The following ZEB1 variants were observed in gnomAD, a reference collection of about 807,000 sequenced individuals.
ZEB1 encodes zinc finger E-box binding homeobox 1.
In ZEB1, 21 loss-of-function variants were observed where a neutral mutation model predicts 84.9. The ratio of observed to expected loss-of-function variants is 0.25; its 90% confidence interval spans 0.18 to 0.36. The LOEUF is 0.36. ZEB1 is among the 10% of genes least tolerant of loss of function. The probability of loss-of-function intolerance (pLI) is 1.00; values close to 1 mark genes in which losing one functional copy is unlikely to be tolerated. For missense variants in ZEB1, 1,104 were observed against 1,330.2 expected (o/e 0.83, Z 2.65); for synonymous variants, 420 against 471.1 (o/e 0.89, Z 1.41).
intron 1 of ZEB1, among the ~76,000 whole-genome samples, chr10:31,410,139 G>A (rs2053961148): frequency 6.6e-6 from 1 of 152,196 alleles, no homozygotes; most frequent in Admixed American, 6.5e-5. Flanking sequence ...GATATTGGCT[G>A]TGGGTTTGTC....
At chr10:31,442,365 A>T (rs1018691217) in intron 1 of ZEB1, among the ~76,000 whole-genome samples, 1 of 151,746 alleles carries the variant, frequency 6.6e-6, no homozygotes, top group African/African-American at 2.4e-5. Context: ...CAATGAGAAC[A>T]CTTGGACACA....
chr10:31,520,119 T>G lies in ZEB1; in HGVS notation c.794-7T>G. On this transcript the variant is annotated splice_polypyrimidine_tract_variant and splice_region_variant and intron_variant, in intron 6 of 8. Transcript: ENST00000424869. The surrounding 1 kb of genome is among the most constrained non-coding windows in gnomAD (Gnocchi z 5.1). ...AGTGAATATAATTTGTTTGTTTGTT[T>G]GTTTAGGAGAGAAGCCATATGAATG... 6.2e-7 allele frequency: 1 copy of G among 1,613,384 alleles called. No individual in the cohort carries two copies. The highest frequency in any genetic ancestry group is 1.7e-4 in the Middle Eastern group (1 of 6,056).
intron 1 of ZEB1, among the ~76,000 whole-genome samples, chr10:31,331,728 A>G (rs1359331838): frequency 6.6e-6 from 1 of 152,216 alleles, no homozygotes; most frequent in Non-Finnish European, 1.5e-5. Context: ...ATAATATTCC[A>G]TACAGGGGGA....
chr10:31,437,174 A>G (rs2136387066), intron 1 of ZEB1, among the ~76,000 whole-genome samples: 1 of 152,288 alleles, frequency 6.6e-6, no homozygotes, highest in East Asian at 1.9e-4. Flanking sequence ...TAATTAGGTA[A>G]GGATTCTTAT....
rs375380462 is a variant in ZEB1 at position 31,323,395 on chromosome 10, G to A, written c.58+4103G>A. On this transcript the variant is annotated intron_variant, in intron 1 of 8. Coordinates refer to ENST00000424869, the MANE Select transcript of ZEB1 (RefSeq NM_001174096.2). The stretch of plus-strand genomic sequence containing the variant: ...GTGTAATTATTTTTATATAACTTAT[G>A]TAGACTTAGACTATGGATGGGTTGG... Among the ~76,000 whole-genome samples, 58 of 152,154 alleles carry A rather than the reference G, an allele frequency of 3.8e-4. 1 individual carries two copies. In the South Asian group the frequency reaches 0.012, roughly 32 times the overall value.
At chr10:31,466,333 T>TA (rs1170034184) in intron 2 of ZEB1, among the ~76,000 whole-genome samples, 1 of 152,212 alleles carries the variant, frequency 6.6e-6, no homozygotes, top group African/African-American at 2.4e-5. Flanking sequence ...CTCAAACATG[T>TA]AACATTCTCC....
chr10:31,366,245 A>G (rs1480788298), intron 1 of ZEB1, among the ~76,000 whole-genome samples: 1 of 152,204 alleles, frequency 6.6e-6, no homozygotes, highest in African/African-American at 2.4e-5. Flanking sequence ...GAAGTTCCAG[A>G]AAAAAACAGA....
chr10:31,319,172 G>C (rs544998003), upstream of ZEB1: 6 of 1,120,494 alleles, frequency 5.4e-6, no homozygotes, highest in East Asian at 3.8e-5. Flanking sequence ...GCGGAGGGGT[G>C]GGGGGGAAGG....
intron 2 of ZEB1, among the ~76,000 whole-genome samples, chr10:31,465,474 A>G (rs1047559043): frequency 2.6e-5 from 4 of 151,516 alleles, no homozygotes; most frequent in Non-Finnish European, 4.4e-5. Flanking sequence ...ATATATATAT[A>G]TAAAATATCA....
rs376683862 is a variant in ZEB1 at position 31,343,529 on chromosome 10, AT to A, written c.58+24242del. On this transcript the variant is annotated intron_variant, in intron 1 of 8. Coordinates refer to ENST00000424869, the MANE Select transcript of ZEB1 (RefSeq NM_001174096.2). ...TAAAGTACGGCCTTTGATTTATAGAATTTTTCATTTTGTGGTTGTGCCTGCT... is the reference window on the plus strand; with the variant it reads ...TAAAGTACGGCCTTTGATTTATAGAATTTTCATTTTGTGGTTGTGCCTGCT... Among the ~76,000 whole-genome samples, 142 of 151,880 alleles carry A rather than the reference AT, an allele frequency of 9.3e-4. 3 individuals are homozygous for A. Among genetic ancestry groups the A allele is most frequent in the African/African-American group, 3.3e-3 (135 of 41,406 alleles).
chr10:31,395,274 C>A (rs382488), intron 1 of ZEB1, among the ~76,000 whole-genome samples: 9,621 of 152,186 alleles, frequency 0.063, 381 homozygotes, highest in African/African-American at 0.11. Context: ...ATACTCTTTT[C>A]CTAAATGTGT....
chr10:31,360,082 A>G (rs1309229848), intron 1 of ZEB1, among the ~76,000 whole-genome samples: 1 of 152,202 alleles, frequency 6.6e-6, no homozygotes, highest in Non-Finnish European at 1.5e-5. Context: ...AAGAATGTTC[A>G]TAATAGATTT....
chr10:31,452,670 G>T (rs1351902882), intron 1 of ZEB1, among the ~76,000 whole-genome samples: 1 of 144,680 alleles, frequency 6.9e-6, no homozygotes, highest in Non-Finnish European at 1.5e-5. Flanking sequence ...TATGTAGAAG[G>T]CAGTATGCCA....
intron 1 of ZEB1, among the ~76,000 whole-genome samples, chr10:31,439,427 T>C (rs2058654393): frequency 6.6e-6 from 1 of 152,200 alleles, no homozygotes; most frequent in Non-Finnish European, 1.5e-5. Context: ...TGTACTCTTT[T>C]ATTTAAACCT....
intron 1 of ZEB1, among the ~76,000 whole-genome samples, chr10:31,382,006 C>CAAAAAAAAAA (rs535534850): frequency 5.9e-4 from 24 of 40,788 alleles, no homozygotes; most frequent in African/African-American, 9.8e-4. Flanking sequence ...GAGACTGTCT[C>CAAAAAAAAAA]AAAAAAAAAA....
rs113243071 is a variant in ZEB1 at position 31,517,597 on chromosome 10, C to T, written c.794-2529C>T. Among the ~76,000 whole-genome samples the T allele has an allele frequency of 5.1e-3, 776 of 151,754 alleles. 7 individuals are homozygous for T. The highest frequency in any genetic ancestry group is 0.017 in the African/African-American group (721 of 41,384). ...GGCTAAAATACTTGTAAACCCTAAC[C>T]TCCATAGATAAATTAGTGATATGCC... is the stretch of plus-strand genomic sequence containing the variant. On this transcript the variant is annotated intron_variant, in intron 6 of 8. Transcript: ENST00000424869.
chr10:31,504,502 T>A (rs1565147977), intron 4 of ZEB1, among the ~76,000 whole-genome samples: 1 of 152,090 alleles, frequency 6.6e-6, no homozygotes, highest in Non-Finnish European at 1.5e-5. Context: ...ATGACATAGA[T>A]ATTTTGATAG....
At chr10:31,419,388 T>A (rs1379027850) in intron 1 of ZEB1, among the ~76,000 whole-genome samples, 1 of 152,096 alleles carries the variant, frequency 6.6e-6, no homozygotes, top group Non-Finnish European at 1.5e-5. Flanking sequence ...AATGAAAAAA[T>A]CATCAAAAGG....
intron 1 of ZEB1, among the ~76,000 whole-genome samples, chr10:31,391,355 G>T (rs2049679644): frequency 6.6e-6 from 1 of 151,172 alleles, no homozygotes; most frequent in African/African-American, 2.4e-5. Context: ...TCACCTGAAA[G>T]GTCTCAAATA....
Sources: gnomAD v4.1 joint callset for allele counts (sites outside exome capture counted in the v4.1 genomes callset) on GRCh38, gnomAD v4.1.1 for gene constraint, Gnocchi (gnomAD v3.1) non-coding constraint, MANE v1.5 for transcripts, NCBI Gene and HGNC (gene_info 2026-07-23, HGNC 2026-07-21) for gene names.